Variants in ABCA1 observed in about 807,000 individuals in gnomAD.
ABCA1 encodes the protein ATP binding cassette subfamily A member 1, also known as phospholipid-transporting ATPase ABCA1.
Under a neutral mutation model 262.5 loss-of-function variants are expected in ABCA1, and 133 were observed. That is an observed-to-expected ratio of 0.51 (90% CI 0.44 to 0.59). The LOEUF (loss-of-function observed/expected upper bound fraction) is 0.59, where lower values mean the gene tolerates loss of function less well. ABCA1 is among the 20% of genes least tolerant of loss of function. The pLI, the probability that ABCA1 is intolerant of heterozygous loss-of-function variation, is 0.00. For synonymous variants in ABCA1, 1,022 were observed against 1,043.5 expected (o/e 0.98, Z 0.40); for missense variants, 2,452 against 2,777.5 (o/e 0.88, Z 2.63).
chr9:104,883,167 GT>G lies in ABCA1; in HGVS notation c.303-11del. 1 of 1,611,472 alleles carries G rather than the reference GT, an allele frequency of 6.2e-7. No homozygotes were observed. Among genetic ancestry groups the G allele is most frequent in the East Asian group, 2.2e-5 (1 of 44,878 alleles). On this transcript the variant is annotated splice_polypyrimidine_tract_variant and intron_variant, in intron 4 of 49. Coordinates refer to ENST00000374736, the MANE Select transcript of ABCA1 (RefSeq NM_005502.4). ...GAACAGGCGAGCCACACTGTAAAGGGTGCAAGAAAAGGCGAAAGGCTTTAGC... is the reference window on the plus strand; with the variant it reads ...GAACAGGCGAGCCACACTGTAAAGGGGCAAGAAAAGGCGAAAGGCTTTAGC...
chr9:104,811,163 G>A (rs1345734179), intron 28 of ABCA1, among the ~76,000 whole-genome samples: 1 of 152,226 alleles, frequency 6.6e-6, no homozygotes, highest in Non-Finnish European at 1.5e-5. Flanking sequence ...TGGCCACCTG[G>A]CAGAGGCACT....
intron 18 of ABCA1, among the ~76,000 whole-genome samples, 193 bp from the exon 19 acceptor site, chr9:104,822,860 A>G (rs1832488399): frequency 6.6e-6 from 1 of 152,202 alleles, no homozygotes; most frequent in South Asian, 2.1e-4. Context: ...TGGGAATACG[A>G]TGATAAAGGA....
rs1042205538 is a variant in ABCA1 at position 104,806,427 on chromosome 9, G to A, written c.4278C>T (p.Asp1426=). ...CTTCCTCCCCTGCCTGGCAGGGCGTGTCTCTGCAAAGGGAAGACAGCAAGA... is the reference window on the plus strand; with the variant it reads ...CTTCCTCCCCTGCCTGGCAGGGCGTATCTCTGCAAAGGGAAGACAGCAAGA... ...TRCMEGNPIP[D]TPCQAGEEEW... The change falls in exon 31 of 50, where the codon GAC becomes GAT. Residue 1426 remains aspartate, a synonymous_variant. Coordinates refer to ENST00000374736, the MANE Select transcript of ABCA1 (RefSeq NM_005502.4). The A allele has an allele frequency of 5.6e-6, 9 of 1,614,142 alleles. No homozygotes were observed. The highest frequency in any genetic ancestry group is 7.6e-6 in the Non-Finnish European group (9 of 1,180,024).
chr9:104,927,908 CAAGT>C (rs1214378767), intron 1 of ABCA1, 23 bp downstream of exon 1: 6 of 152,324 alleles, frequency 3.9e-5, no homozygotes, highest in Non-Finnish European at 8.8e-5. Context: ...CAATAACGCC[CAAGT>C]AAGTCACTGG....
intron 14 of ABCA1, among the ~76,000 whole-genome samples, chr9:104,829,536 A>G (rs184784993): frequency 6.6e-6 from 1 of 152,348 alleles, no homozygotes; most frequent in East Asian, 1.9e-4. Flanking sequence ...CACCACAGAC[A>G]TACATTTCAG....
In ABCA1 at chr9:104,814,201, C is replaced by T. The variant is rs151175933; in HGVS notation, c.3818G>A (p.Arg1273Gln). Residue 1273 changes from arginine (R) to glutamine (Q), a missense_variant, in exon 27 of 50, where the codon CGG becomes CAG. Arg to Gln is a conservative substitution (Grantham distance 43). Around this residue, in one of 4 missense-constraint regions of ABCA1, gnomAD observed 665 missense variants for 727.3 expected, o/e 0.91. Coordinates refer to ENST00000374736, the MANE Select transcript of ABCA1 (RefSeq NM_005502.4). ...DGTLPARRNR[R>Q]AFGDKQSCLR... ...ACAGCTCTGCTTGTCCCCGAAGGCC[C>T]GCCTGTTTCGTCTTGCTGGCAAGGT... 31 of 1,614,096 alleles carry T rather than the reference C, an allele frequency of 1.9e-5. No homozygotes were observed. The highest frequency in any genetic ancestry group is 1.6e-4 in the East Asian group (7 of 44,892).
At position 104,821,389 on chromosome 9, in the gene ABCA1, G is replaced by A. The variant is rs770667232; in HGVS notation, c.2946C>T (p.Asn982=). ...CTGGTACTCACATGTCAAACAGCAC[G>A]TTATGCTGGGGACAGACCCCCAGGT... The part of the protein sequence containing the change: ...RQNLGVCPQH[N]VLFDMLTVEE... Residue 982 remains asparagine, a synonymous_variant, in exon 20 of 50, where the codon AAC becomes AAT. Coordinates refer to ENST00000374736, the MANE Select transcript of ABCA1 (RefSeq NM_005502.4). 24 of 1,614,010 alleles carry A rather than the reference G, an allele frequency of 1.5e-5. No individual in the cohort carries two copies. The highest frequency in any genetic ancestry group is 1.8e-5 in the Non-Finnish European group (21 of 1,180,048).
chr9:104,906,946 G>A (rs990475058), intron 1 of ABCA1, among the ~76,000 whole-genome samples: 1 of 151,802 alleles, frequency 6.6e-6, no homozygotes, highest in Non-Finnish European at 1.5e-5. Context: ...CACCTCACTG[G>A]TCTCCCAACC....
At chr9:104,923,910 T>G (rs766594051) in intron 1 of ABCA1, among the ~76,000 whole-genome samples, 1 of 152,152 alleles carries the variant, frequency 6.6e-6, no homozygotes, top group African/African-American at 2.4e-5. Context: ...GGAGCAGTGG[T>G]GCGTGCCTGT....
chr9:104,900,915 T>A (rs1171297253), intron 2 of ABCA1, among the ~76,000 whole-genome samples: 1 of 152,260 alleles, frequency 6.6e-6, no homozygotes, highest in Non-Finnish European at 1.5e-5. Flanking sequence ...GTATAACAAC[T>A]TAAGCCCCTT....
chr9:104,893,606 A>C (rs2118363666), intron 2 of ABCA1, among the ~76,000 whole-genome samples: 1 of 152,250 alleles, frequency 6.6e-6, no homozygotes, highest in South Asian at 2.1e-4. Flanking sequence ...CAATATGTAC[A>C]AGGCACATTT....
Position 104,840,431 on chromosome 9 carries a change from T to C in ABCA1, c.902A>G (p.Tyr301Cys). ...VNSSSSSTQI[Y>C]QAVSRIVCGH... ...GCAGACAATACGAGACACAGCCTGG[T>C]AGATTTGGGTGGAGGAGCTGGAGCT... The change falls in exon 9 of 50, where the codon TAC becomes TGC. Residue 301 changes from tyrosine (Y) to cysteine (C), a missense_variant. Transcript: ENST00000374736. The C allele has an allele frequency of 6.2e-7, 1 of 1,614,048 alleles. No homozygotes were observed. The highest frequency in any genetic ancestry group is 8.5e-7 in the Non-Finnish European group (1 of 1,180,018).
intron 19 of ABCA1, among the ~76,000 whole-genome samples, 171 bp downstream of exon 19, chr9:104,822,325 C>T (rs1832435139): frequency 2.0e-5 from 3 of 152,212 alleles, no homozygotes; most frequent in South Asian, 4.1e-4. Context: ...ATCTAGCAAA[C>T]TAGCACGTGG....
rs975263625 is a variant in ABCA1, at chr9:104,781,482, G to A, written c.*2833C>T. 6.6e-6 allele frequency: 1 copy of A among 152,434 alleles called. No individual in the cohort carries two copies. The highest frequency in any genetic ancestry group is 1.5e-5 in the Non-Finnish European group (1 of 67,962). 9.4% of individuals were successfully genotyped at this position (152,434 alleles called of 1,614,324 possible). On this transcript the variant is annotated 3_prime_UTR_variant, in exon 50 of 50. Transcript: ENST00000374736. ...GTATTACATGACACATGGCTCTTTGGAAAATATTTTACCTGATATATACAA... is the reference window on the plus strand; with the variant it reads ...GTATTACATGACACATGGCTCTTTGAAAAATATTTTACCTGATATATACAA...
rs185815253 is a variant in ABCA1 at position 104,885,364 on chromosome 9, G to A, written c.161-796C>T. 5.3e-5 allele frequency among the ~76,000 whole-genome samples: 8 copies of A among 152,230 alleles called. No individual in the cohort carries two copies. In the South Asian group the frequency reaches 8.3e-4, roughly 16 times the overall value. The stretch of plus-strand genomic sequence containing the variant: ...ATCCAAGCCTCTTCCTCACACCTGC[G>A]GTTAGATTGGAATTTAGCTCATCTC... On this transcript the variant is annotated intron_variant, in intron 3 of 49. Transcript: ENST00000374736.
Position 104,889,200 on chromosome 9 carries a change from G to A in ABCA1, c.67-5C>T, listed in dbSNP as rs879503029. The A allele has an allele frequency of 5.6e-6, 9 of 1,613,734 alleles. No individual in the cohort carries two copies. The highest frequency in any genetic ancestry group is 1.3e-5 in the African/African-American group (1 of 74,904). Reference sequence around the variant, plus strand: ...CACTTCCAGCAGCAGCTGACACTGAGTGGGAAATAAGATAGAACACTGTAA... The same window carrying A: ...CACTTCCAGCAGCAGCTGACACTGAATGGGAAATAAGATAGAACACTGTAA... On this transcript the variant is annotated splice_region_variant and splice_polypyrimidine_tract_variant and intron_variant, in intron 2 of 49. Transcript: ENST00000374736.
chr9:104,832,699 C>T lies in ABCA1; in HGVS notation c.1384G>A (p.Asp462Asn). 2 of 1,614,186 alleles carry T rather than the reference C, an allele frequency of 1.2e-6. No homozygotes were observed. Among genetic ancestry groups the T allele is most frequent in the Non-Finnish European group, 1.7e-6 (2 of 1,180,036 alleles). The change falls in exon 12 of 50, where the codon GAC (aspartate) becomes AAC (asparagine). Residue 462 changes from aspartate (D) to asparagine (N), a missense_variant. Asp to Asn is a conservative substitution (Grantham distance 23). Transcript: ENST00000374736. ...TGCTTGGCCAAAAACGCCACGATGT[C>T]TTGGGCTGTCCAATCTAAGCCATCC... Reference protein sequence around the residue: ...QLDGLDWTAQDIVAFLAKHPE... With the variant: ...QLDGLDWTAQNIVAFLAKHPE...
chr9:104,888,536 T>C (rs1839421151), intron 3 of ABCA1, among the ~76,000 whole-genome samples: 1 of 152,248 alleles, frequency 6.6e-6, no homozygotes, highest in Non-Finnish European at 1.5e-5. Flanking sequence ...CCAGAATTCA[T>C]ACCCAGATAA....
chr9:104,826,834 A>G (rs1832850139), intron 16 of ABCA1, 114 bp downstream of exon 16: 2 of 966,104 alleles, frequency 2.1e-6, no homozygotes, highest in African/African-American at 3.2e-5. Flanking sequence ...GCTAAGGTTC[A>G]TGTCCCATTG....
Sources: gnomAD v4.1 joint callset for allele counts (sites outside exome capture counted in the v4.1 genomes callset) on GRCh38, gnomAD v4.1.1 for gene constraint, gnomAD v4.1.1 regional missense constraint, MANE v1.5 for transcripts, NCBI Gene and HGNC (gene_info 2026-07-23, HGNC 2026-07-21) for gene names.